Variants in RBP4 observed in about 807,000 individuals in gnomAD.
RBP4 encodes the protein retinol binding protein 4, also known as retinol-binding protein 4.
In RBP4, 9 loss-of-function variants were observed where a neutral mutation model predicts 26.2. That is an observed-to-expected ratio of 0.34 (90% CI 0.21 to 0.60). The LOEUF is 0.60. RBP4 is among the 20% of genes least tolerant of loss of function. RBP4 has a pLI of 0.80. For missense variants in RBP4, 244 were observed against 271.3 expected, an observed-to-expected ratio of 0.90 and a Z score of 0.71; for synonymous variants, 114 against 111.0, an observed-to-expected ratio of 1.03 and a Z score of -0.17.
chr10:93,601,227 G>C lies in RBP4; in HGVS notation c.-75C>G, dbSNP rs1434483097. The C allele has an allele frequency of 8.0e-6, 10 of 1,247,734 alleles. No individual in the cohort carries two copies. In the East Asian group the frequency reaches 2.7e-4, roughly 34 times the overall value. 77.3% of individuals were successfully genotyped at this position (1,247,734 alleles called of 1,614,324 possible). Reference sequence around the variant, plus strand: ...CGCCGAGTCCGGGCGCGCGTGGAGCGAGGGAGGCGAGCGCGCCGCGGCCGC... The same window carrying C: ...CGCCGAGTCCGGGCGCGCGTGGAGCCAGGGAGGCGAGCGCGCCGCGGCCGC... On this transcript the variant is annotated 5_prime_UTR_variant, in exon 1 of 6. Transcript: ENST00000371464.
At chr10:93,596,743 G>A (rs1189528020) in intron 4 of RBP4, among the ~76,000 whole-genome samples, 1 of 152,182 alleles carries the variant, frequency 6.6e-6, no homozygotes, top group Non-Finnish European at 1.5e-5. Context: ...GGTAGAGGGC[G>A]CTGTCTCAGG....
At chr10:93,600,858 G>C (rs2058332781) in intron 2 of RBP4, 55 bp from the exon 3 acceptor site, 2 of 1,599,182 alleles carry the variant, frequency 1.3e-6, no homozygotes, top group East Asian at 4.5e-5. Flanking sequence ...GGCGGGCCGC[G>C]GGGAGGGCGG....
At chr10:93,601,082 C>G in intron 1 of RBP4, 36 bp from the exon 2 acceptor site, 2 of 1,586,930 alleles carry the variant, frequency 1.3e-6, no homozygotes, top group Non-Finnish European at 1.7e-6. Context: ...GCCCGGCAGC[C>G]GACCCCCGCC....
chr10:93,601,556 G>A (rs796484755), upstream of RBP4: 16 of 663,542 alleles, frequency 2.4e-5, no homozygotes, highest in African/African-American at 2.5e-4. Context: ...GGCTCTGGCA[G>A]GAGGCTCGAG....
intron 5 of RBP4, among the ~76,000 whole-genome samples, chr10:93,593,194 C>G (rs2058278251): frequency 6.6e-6 from 1 of 152,136 alleles, no homozygotes; most frequent in South Asian, 2.1e-4. Flanking sequence ...GAGTGAGTGT[C>G]CACTCAAACT....
intron 4 of RBP4, 44 bp downstream of exon 4, chr10:93,600,349 A>G (rs2058328419): frequency 6.5e-7 from 1 of 1,529,058 alleles, no homozygotes; most frequent in Admixed American, 1.7e-5. Context: ...TTGGCCCGGT[A>G]GGCGCCCCAT....
At chr10:93,592,180 T>C in intron 5 of RBP4, 68 bp from the exon 6 acceptor site, 4 of 1,337,136 alleles carry the variant, frequency 3.0e-6, no homozygotes, top group Non-Finnish European at 4.3e-6. Flanking sequence ...ATAATGAACA[T>C]CATGATGGCC....
Position 93,594,030 on chromosome 10 carries a change from C to T in RBP4, c.361G>A (p.Asp121Asn), listed in dbSNP as rs2058286631. 2 of 1,613,326 alleles carry T rather than the reference C, an allele frequency of 1.2e-6. No homozygotes were observed. The highest frequency in any genetic ancestry group is 1.3e-5 in the African/African-American group (1 of 75,028). Residue 121 changes from aspartate to asparagine, a missense_variant, in exon 5 of 6, where the codon GAC becomes AAC. Asp to Asn is a conservative substitution (Grantham distance 23, BLOSUM62 1). Transcript: ENST00000371464. ...VASFLQKGNDDHWIVDTDYDT... is the reference protein window; with the variant it reads ...VASFLQKGNDNHWIVDTDYDT... ...TAGTCTGTGTCGACGATCCAGTGGTCATCATCTGCAAGCCAGAAAGCCACC... is the reference window on the plus strand; with the variant it reads ...TAGTCTGTGTCGACGATCCAGTGGTTATCATCTGCAAGCCAGAAAGCCACC...
chr10:93,591,929 C>G lies in RBP4; in HGVS notation c.*146G>C, dbSNP rs1300419883. 2 of 716,856 alleles carry G rather than the reference C, an allele frequency of 2.8e-6. No individual in the cohort carries two copies. The highest frequency in any genetic ancestry group is 5.0e-5 in the East Asian group (2 of 39,848). The allele number at this position is 716,856 out of a possible 1,614,324, so 44.4% of individuals were successfully genotyped here. On this transcript the variant is annotated 3_prime_UTR_variant, in exon 6 of 6. Coordinates refer to ENST00000371464, the MANE Select transcript of RBP4 (RefSeq NM_006744.4). Reference sequence around the variant, plus strand: ...GAAAGGCAAGCAGATTCACTGACCCCCACGTGTATCTTTATGTGTAATGAA... The same window carrying G: ...GAAAGGCAAGCAGATTCACTGACCCGCACGTGTATCTTTATGTGTAATGAA...
chr10:93,599,121 T>C (rs1257353593), intron 4 of RBP4, among the ~76,000 whole-genome samples: 1 of 151,860 alleles, frequency 6.6e-6, no homozygotes. Flanking sequence ...TGCTGGCCCA[T>C]GCCTGTAGTT....
chr10:93,600,553 C>T, intron 3 of RBP4, 54 bp from the exon 4 acceptor site: 3 of 1,612,292 alleles, frequency 1.9e-6, no homozygotes, highest in Non-Finnish European at 1.7e-6. Context: ...TTCCTCCCTC[C>T]CTCCACCCAT....
At chr10:93,594,065 A>G in intron 4 of RBP4, 30 bp from the exon 5 acceptor site, 1 of 1,605,078 alleles carries the variant, frequency 6.2e-7, no homozygotes, top group African/African-American at 1.3e-5. Flanking sequence ...CATGCCGATC[A>G]ATGCCTTTCC....
At position 93,600,756 on chromosome 10, in the gene RBP4, G is replaced by A; in HGVS notation, c.159C>T (p.Leu53=). The A allele has an allele frequency of 6.2e-6, 10 of 1,611,944 alleles. No homozygotes were observed. Among genetic ancestry groups the A allele is most frequent in the Non-Finnish European group, 8.5e-6 (10 of 1,179,106 alleles). ...CCGCGACGATGTTGTCCTGCAGAAA[G>A]AGGCCCTCGGGGTCCTTCTTGGCCA... ...YAMAKKDPEG[L]FLQDNIVAEF... is the part of the protein sequence containing the mutation. Residue 53 remains leucine (L), a synonymous_variant, in exon 3 of 6, where the codon CTC becomes CTT. Coordinates refer to ENST00000371464, the MANE Select transcript of RBP4 (RefSeq NM_006744.4).
chr10:93,594,057 T>C lies in RBP4; in HGVS notation c.356-22A>G, dbSNP rs116762988. ...TCATCTGCAAGCCAGAAAGCCACCA[T>C]GCCGATCAATGCCTTTCCCTCATGG... On this transcript the variant is annotated intron_variant, in intron 4 of 5. Transcript: ENST00000371464. 1.2e-3 allele frequency: 1,950 copies of C among 1,607,832 alleles called. 23 individuals carry two copies. In the African/African-American group the frequency reaches 0.023, roughly 19 times the overall value.
intron 4 of RBP4, among the ~76,000 whole-genome samples, chr10:93,597,343 T>C (rs2058309077): frequency 6.6e-6 from 1 of 152,230 alleles, no homozygotes; most frequent in Admixed American, 6.5e-5. Context: ...TGTCCAGGTC[T>C]TTCTACAAGA....
intron 3 of RBP4, 38 bp from the exon 4 acceptor site, chr10:93,600,537 A>G: frequency 6.2e-7 from 1 of 1,613,124 alleles, no homozygotes; most frequent in Non-Finnish European, 8.5e-7. Flanking sequence ...AAGCCGGGCA[A>G]AGGGCTTCCT....
At chr10:93,600,567 G>A in intron 3 of RBP4, 68 bp from the exon 4 acceptor site, 1 of 1,612,538 alleles carries the variant, frequency 6.2e-7, no homozygotes, top group Non-Finnish European at 8.5e-7. Flanking sequence ...CACCCATTCG[G>A]TGCTCCCTTC....
At chr10:93,601,670 G>A, upstream of RBP4, 2 of 778,884 alleles carry the variant, frequency 2.6e-6, no homozygotes, top group East Asian at 2.4e-5. Flanking sequence ...TGGCGCCTCC[G>A]TCTGCCTTCT....
At chr10:93,597,552 A>G (rs545288670) in intron 4 of RBP4, among the ~76,000 whole-genome samples, 5 of 152,322 alleles carry the variant, frequency 3.3e-5, no homozygotes, top group African/African-American at 9.6e-5. Context: ...TGATGGTAGT[A>G]TCCTCAACCC....
Sources: gnomAD v4.1 joint callset for allele counts (sites outside exome capture counted in the v4.1 genomes callset) on GRCh38, gnomAD v4.1.1 for gene constraint, MANE v1.5 for transcripts, NCBI Gene and HGNC (gene_info 2026-07-23, HGNC 2026-07-21) for gene names.